Variants in SET observed in about 807,000 individuals in gnomAD.
SET encodes protein SET.
SET carries 4 observed loss-of-function variants against 39.0 expected under a neutral mutation model. The observed-to-expected ratio is 0.10, with a 90% CI of 0.05 to 0.23. The LOEUF (loss-of-function observed/expected upper bound fraction) is 0.23. SET is among the 10% of genes least tolerant of loss of function. SET has a pLI of 1.00. For synonymous variants in SET, 114 were observed against 115.9 expected, an observed-to-expected ratio of 0.98 and a Z score of 0.11; for missense variants, 137 against 329.7, an observed-to-expected ratio of 0.42 and a Z score of 4.53.
intron 2 of SET, 90 bp downstream of exon 2, chr9:128,691,317 C>G (rs1861527669): frequency 1.2e-6 from 1 of 806,710 alleles, no homozygotes; most frequent in Non-Finnish European, 2.1e-6. Flanking sequence ...AATCTATCCA[C>G]TGTCAAAGGG....
chr9:128,691,678 T>C (rs1647541881), intron 2 of SET, among the ~76,000 whole-genome samples, 180 bp from the exon 3 acceptor site: 1 of 152,240 alleles, frequency 6.6e-6, no homozygotes, highest in African/African-American at 2.4e-5. Context: ...TCAGTGTTTA[T>C]TGATAAATCA....
upstream of SET, among the ~76,000 whole-genome samples, chr9:128,688,212 AAAAC>A (rs751592617): frequency 7.2e-5 from 11 of 152,258 alleles, no homozygotes; most frequent in African/African-American, 2.4e-4. Context: ...CTCCCGTCTC[AAAAC>A]AAACAAACAA....
intron 1 of SET, 39 bp from the exon 2 acceptor site, chr9:128,691,131 A>G (rs1861520137): frequency 6.5e-7 from 1 of 1,529,400 alleles, no homozygotes. Flanking sequence ...AACTAGGTAA[A>G]TTTATCTTAG....
upstream of SET, among the ~76,000 whole-genome samples, chr9:128,686,002 G>C (rs558927501): frequency 4.6e-5 from 7 of 152,016 alleles, no homozygotes; most frequent in East Asian, 1.4e-3. Flanking sequence ...ACTCCAGCCT[G>C]GGCGACAAGA....
At chr9:128,690,074 T>G in intron 1 of SET, 1 of 737,358 alleles carries the variant, frequency 1.4e-6, no homozygotes, top group Non-Finnish European at 1.7e-6. Context: ...CGGTTCCGCT[T>G]CGCGCCCGGC....
intron 5 of SET, 106 bp from the exon 6 acceptor site, chr9:128,693,532 G>A (rs1861619674): frequency 8.5e-7 from 1 of 1,175,252 alleles, no homozygotes. Flanking sequence ...ATAGTATACT[G>A]ATATTTGTTT....
Position 128,689,281 on chromosome 9 carries a change from C to G in SET, c.-302C>G. 3 of 1,012,878 alleles carry G rather than the reference C, an allele frequency of 3.0e-6. No individual in the cohort carries two copies. The highest frequency in any genetic ancestry group is 3.5e-6 in the Non-Finnish European group (3 of 847,198). 62.7% of individuals were successfully genotyped at this position (1,012,878 alleles called of 1,614,324 possible). A position where few individuals can be genotyped will look rare whatever the true frequency, so the allele number is the denominator to read the frequency against. On this transcript the variant is annotated 5_prime_UTR_variant, in exon 1 of 8. Coordinates refer to ENST00000322030, the MANE Select transcript of SET (RefSeq NM_003011.4). ...CTCGGGAGAGCGAGCAGCGAGCTGG[C>G]TGGATCGCCGAGCGCGAGTGAGGGA...
intron 5 of SET, 131 bp downstream of exon 5, chr9:128,693,112 G>A (rs1589460939): frequency 1.5e-6 from 1 of 648,688 alleles, no homozygotes. Context: ...ACGTTCCAGT[G>A]TGCTGAAGCC....
rs1280800884 is a variant in SET at position 128,696,169 on chromosome 9, A to C, written c.*1505A>C. The C allele has an allele frequency of 4.7e-6, 1 of 213,426 alleles. No individual in the cohort carries two copies. The highest frequency in any genetic ancestry group is 9.6e-6 in the Non-Finnish European group (1 of 104,146). The allele number at this position is 213,426 out of a possible 1,614,324, so 13.2% of individuals were successfully genotyped here. A position where few individuals can be genotyped will look rare whatever the true frequency, so the allele number is the denominator to read the frequency against. On this transcript the variant is annotated 3_prime_UTR_variant, in exon 8 of 8. Coordinates refer to ENST00000322030, the MANE Select transcript of SET (RefSeq NM_003011.4). ...GCTGTAAAATATAGTCGCTGAAATT[A>C]AATGCCACTTTTTCAGAGGTGAATT...
At chr9:128,694,113 T>C in intron 7 of SET, 71 bp downstream of exon 7, 1 of 1,320,682 alleles carries the variant, frequency 7.6e-7, no homozygotes. Context: ...GGTGTATATA[T>C]ATATATATAG....
At chr9:128,688,195 A>C (rs1861354239), upstream of SET, among the ~76,000 whole-genome samples, 1 of 152,130 alleles carries the variant, frequency 6.6e-6, no homozygotes, top group Admixed American at 6.5e-5. Context: ...TGGGGGACAG[A>C]GCAAGACTCC....
At chr9:128,694,601 G>A (rs1861663320) in intron 7 of SET, 40 bp from the exon 8 acceptor site, 2 of 1,485,790 alleles carry the variant, frequency 1.3e-6, no homozygotes, top group Non-Finnish European at 9.2e-7. Context: ...GCAAGTCTCA[G>A]CATTAATCCT....
upstream of SET, among the ~76,000 whole-genome samples, chr9:128,685,531 C>T (rs540356266): frequency 6.6e-6 from 1 of 152,354 alleles, no homozygotes; most frequent in South Asian, 2.1e-4. Context: ...CCAAGCACTT[C>T]TCTATCCTCA....
intron 5 of SET, 121 bp from the exon 6 acceptor site, chr9:128,693,517 C>A: frequency 1.0e-6 from 1 of 1,000,392 alleles, no homozygotes; most frequent in Non-Finnish European, 1.4e-6. Context: ...ATAATGGTAG[C>A]GTAGATAGTA....
chr9:128,685,180 G>A (rs1331428288), upstream of SET: 1 of 1,599,090 alleles, frequency 6.3e-7, no homozygotes, highest in Non-Finnish European at 8.5e-7. Context: ...GGGATGCAGA[G>A]ACCTCCTGCC....
At chr9:128,684,119 G>C in intron 1 of SET, 4 of 830,550 alleles carry the variant, frequency 4.8e-6, no homozygotes, top group Non-Finnish European at 7.5e-6. Flanking sequence ...ACCCCCAAAG[G>C]GTTTTAAACC....
intron 1 of SET, chr9:128,684,029 T>C (rs1276384664): frequency 8.0e-6 from 12 of 1,507,976 alleles, no homozygotes. Context: ...CGCTAAGTTT[T>C]ATTGGAGATT....
chr9:128,684,187 G>A (rs1213945638), intron 1 of SET, among the ~76,000 whole-genome samples: 2 of 152,048 alleles, frequency 1.3e-5, no homozygotes, highest in African/African-American at 4.8e-5. Context: ...GGGAGAACGG[G>A]AGTGCACGGG....
chr9:128,695,319 T>G lies in SET; in HGVS notation c.*655T>G. 1 of 224,974 alleles carries G rather than the reference T, an allele frequency of 4.4e-6. No individual in the cohort carries two copies. Among genetic ancestry groups the G allele is most frequent in the Non-Finnish European group, 9.2e-6 (1 of 108,330 alleles). 13.9% of individuals were successfully genotyped at this position (224,974 alleles called of 1,614,324 possible). ...TTAAGATGACACTTTTAAAATAAAT[T>G]CTCTCCTAATGATGACTTGAGCCCT... is the stretch of plus-strand genomic sequence containing the variant. On this transcript the variant is annotated 3_prime_UTR_variant, in exon 8 of 8. Coordinates refer to ENST00000322030, the MANE Select transcript of SET (RefSeq NM_003011.4).
Sources: allele counts gnomAD v4.1 joint callset (sites outside exome capture counted in the v4.1 genomes callset), GRCh38; gene constraint gnomAD v4.1.1; transcripts MANE v1.5; gene names NCBI Gene and HGNC (gene_info 2026-07-23, HGNC 2026-07-21).